NDUFAF7: variants seen among roughly 807,000 people sequenced by gnomAD.
NDUFAF7 encodes the protein NADH:ubiquinone oxidoreductase complex assembly factor 7.
Under a neutral mutation model 47.2 loss-of-function variants are expected in NDUFAF7, and 48 were observed. That is an observed-to-expected ratio of 1.02 (90% CI 0.81 to 1.29). The LOEUF is 1.29. NDUFAF7 is among the 50% of genes most tolerant of loss of function. The probability of loss-of-function intolerance (pLI) is 0.00; values close to 1 mark genes in which losing one functional copy is unlikely to be tolerated. For missense variants in NDUFAF7, 635 were observed against 537.6 expected, an observed-to-expected ratio of 1.18 and a Z score of -1.79; for synonymous variants, 217 against 190.0, an observed-to-expected ratio of 1.14 and a Z score of -1.17.
At chr2:37,260,141 G>A in the NDUFAF7 span, 3 of 1,293,118 alleles carry the variant, frequency 2.3e-6, no homozygotes, top group African/African-American at 3.0e-5. Flanking sequence ...TCCAGCCCAG[G>A]TGACAGAGTA....
At chr2:37,239,476 T>C (rs932428425) in intron 4 of NDUFAF7, among the ~76,000 whole-genome samples, 3 of 152,074 alleles carry the variant, frequency 2.0e-5, no homozygotes, top group African/African-American at 7.3e-5. Flanking sequence ...AAGTTTCTTA[T>C]ATTGTATGAC....
chr2:37,254,248 T>G (rs1667757431), downstream of NDUFAF7: 1 of 1,613,428 alleles, frequency 6.2e-7, no homozygotes, highest in Admixed American at 1.7e-5. Context: ...CTGTAACGTT[T>G]TCTCATCTTC....
At chr2:37,254,393 G>A, downstream of NDUFAF7, 1 of 810,792 alleles carries the variant, frequency 1.2e-6, no homozygotes, top group Non-Finnish European at 2.1e-6. Flanking sequence ...ACAGGGTTGA[G>A]GAATTTTTGC....
At chr2:37,239,279 C>G (rs138432309) in intron 4 of NDUFAF7, among the ~76,000 whole-genome samples, 1 of 151,978 alleles carries the variant, frequency 6.6e-6, no homozygotes, top group Admixed American at 6.6e-5. Flanking sequence ...TCACTACACC[C>G]GGCTAATTTT....
intron 6 of NDUFAF7, among the ~76,000 whole-genome samples, chr2:37,243,137 C>T (rs796708411): frequency 1.8e-4 from 28 of 152,112 alleles, no homozygotes; most frequent in African/African-American, 6.7e-4. Flanking sequence ...AACCTTAGCA[C>T]ATTTTAAAAA....
chr2:37,237,011 C>T (rs1665863405), intron 3 of NDUFAF7, among the ~76,000 whole-genome samples: 1 of 152,136 alleles, frequency 6.6e-6, no homozygotes. Flanking sequence ...GCTCTTATTG[C>T]CCAGGCTGGA....
At chr2:37,235,395 A>G (rs935579134) in intron 2 of NDUFAF7, among the ~76,000 whole-genome samples, 1 of 152,144 alleles carries the variant, frequency 6.6e-6, no homozygotes, top group South Asian at 2.1e-4. Context: ...GAAACAGAAC[A>G]TCACCAGCAG....
the NDUFAF7 span, chr2:37,267,732 A>T: frequency 2.0e-6 from 1 of 506,472 alleles, no homozygotes; most frequent in Non-Finnish European, 3.4e-6. Context: ...ATTTGCCCCT[A>T]ATAAAGTCAG....
At chr2:37,263,167 G>C in the NDUFAF7 span, among the ~76,000 whole-genome samples, 3 of 151,906 alleles carry the variant, frequency 2.0e-5, no homozygotes, top group Admixed American at 2.0e-4. Flanking sequence ...TAATATTTGA[G>C]GTTATAAAGC....
Position 37,248,214 on chromosome 2 carries a change from A to C in NDUFAF7, c.1190A>C (p.Lys397Thr), listed in dbSNP as rs563449749. 5.0e-6 allele frequency: 8 copies of C among 1,613,994 alleles called. No homozygotes were observed. The African/African-American group carries it at 9.3e-5, about 19-fold the overall frequency. Residue 397 changes from lysine to threonine, a missense_variant, in exon 10 of 10, where the codon AAG (lysine) becomes ACG (threonine). By Grantham distance (78) the Lys-to-Thr change is moderately conservative. Coordinates refer to ENST00000002125, the MANE Select transcript of NDUFAF7 (RefSeq NM_144736.5). ...QGYDMLMNPK[K>T]MGERFNFFAL... ...TATGATATGTTAATGAATCCAAAGA[A>C]GATGGGAGAGAGATTTAACTTTTTT...
At chr2:37,256,611 T>G, downstream of NDUFAF7, 1 of 1,460,338 alleles carries the variant, frequency 6.8e-7, no homozygotes, top group Non-Finnish European at 9.0e-7. Flanking sequence ...TGTTTAGGCT[T>G]AAAACACATA....
At chr2:37,247,039 G>C (rs1667001799) in intron 8 of NDUFAF7, among the ~76,000 whole-genome samples, 2 of 152,052 alleles carry the variant, frequency 1.3e-5, no homozygotes, top group Non-Finnish European at 2.9e-5. Context: ...TTCAGCCCTT[G>C]TTCCCCTCCT....
intron 4 of NDUFAF7, among the ~76,000 whole-genome samples, chr2:37,238,199 A>G (rs190822091): frequency 4.6e-5 from 7 of 152,278 alleles, no homozygotes; most frequent in East Asian, 1.9e-4. Flanking sequence ...TGAGAGGCCA[A>G]GGTGGGCAGA....
At chr2:37,238,089 T>C (rs1457350374) in intron 4 of NDUFAF7, among the ~76,000 whole-genome samples, 2 of 152,146 alleles carry the variant, frequency 1.3e-5, no homozygotes, top group Non-Finnish European at 2.9e-5. Flanking sequence ...AGGAAACATT[T>C]AGAAGACATT....
chr2:37,256,627 AATTTTTTTTTT>A (rs1188976652), downstream of NDUFAF7: 4 of 1,247,348 alleles, frequency 3.2e-6, no homozygotes, highest in Admixed American at 3.3e-5. Context: ...ACATAGCCAA[AATTTTTTTTTT>A]TTTTTTTTTT....
At chr2:37,265,078 C>G in the NDUFAF7 span, among the ~76,000 whole-genome samples, 2 of 152,100 alleles carry the variant, frequency 1.3e-5, no homozygotes, top group Admixed American at 6.5e-5. Flanking sequence ...ATGGACGCCT[C>G]TAGGGATGCA....
At chr2:37,265,959 T>C in the NDUFAF7 span, among the ~76,000 whole-genome samples, 1 of 152,200 alleles carries the variant, frequency 6.6e-6, no homozygotes, top group African/African-American at 2.4e-5. Context: ...TAGGAATATA[T>C]CCTTAATTTT....
chr2:37,247,371 A>G, intron 8 of NDUFAF7, 85 bp from the exon 9 acceptor site: 2 of 1,461,162 alleles, frequency 1.4e-6, no homozygotes, highest in Non-Finnish European at 1.9e-6. Context: ...GCATTAATGT[A>G]AATATTAAAT....
At chr2:37,264,547 G>A in the NDUFAF7 span, among the ~76,000 whole-genome samples, 1 of 152,056 alleles carries the variant, frequency 6.6e-6, no homozygotes, top group Non-Finnish European at 1.5e-5. Flanking sequence ...GTTTAATGCT[G>A]AATAGAATGT....
Sources: gnomAD v4.1 joint callset for allele counts (sites outside exome capture counted in the v4.1 genomes callset) on GRCh38, gnomAD v4.1.1 for gene constraint, MANE v1.5 for transcripts, NCBI Gene and HGNC (gene_info 2026-07-23, HGNC 2026-07-21) for gene names.